MGAT5: variants seen among roughly 807,000 people sequenced by gnomAD.
MGAT5 encodes alpha-1,6-mannosylglycoprotein 6-beta-N-acetylglucosaminyltransferase A.
A neutral mutation model predicts 94.3 loss-of-function variants in MGAT5; 30 were observed. The ratio of observed to expected loss-of-function variants is 0.32; its 90% CI spans 0.24 to 0.43. MGAT5 has a LOEUF of 0.43. Among genes scored for constraint, MGAT5 ranks in the 20% least tolerant of loss-of-function variants. The pLI, the probability that MGAT5 is intolerant of heterozygous loss-of-function variation, is 1.00. For missense variants in MGAT5, 691 were observed against 905.5 expected (o/e 0.76, Z 3.04); for synonymous variants, 310 against 322.9 (o/e 0.96, Z 0.43).
intron 1 of MGAT5, among the ~76,000 whole-genome samples, chr2:134,156,852 G>A (rs964466648): frequency 6.6e-6 from 1 of 152,158 alleles, no homozygotes; most frequent in Admixed American, 6.5e-5. Context: ...AGACGGTGGT[G>A]TGGCCAGAGT....
intron 8 of MGAT5, among the ~76,000 whole-genome samples, chr2:134,348,270 G>A (rs140729693): frequency 2.0e-5 from 3 of 152,010 alleles, no homozygotes; most frequent in Non-Finnish European, 2.9e-5. Flanking sequence ...CCCACCTATC[G>A]GCCACGAGGC....
intron 1 of MGAT5, among the ~76,000 whole-genome samples, chr2:134,244,258 T>A (rs1682117337): frequency 6.6e-6 from 1 of 152,144 alleles, no homozygotes; most frequent in South Asian, 2.1e-4. Context: ...TAAAGCCTGT[T>A]CATGGTTTCC....
At chr2:134,373,902 T>C (rs996554958) in intron 10 of MGAT5, among the ~76,000 whole-genome samples, 5 of 152,346 alleles carry the variant, frequency 3.3e-5, no homozygotes, top group Non-Finnish European at 7.3e-5. Context: ...CAGCTTCATC[T>C]TGGGAGAATA....
intron 1 of MGAT5, among the ~76,000 whole-genome samples, chr2:134,189,602 G>GTTTTTTTTTTTTTTTTTTTGTTTTTTTTT (rs912983981): frequency 2.4e-5 from 2 of 84,672 alleles, no homozygotes; most frequent in Non-Finnish European, 4.6e-5. Flanking sequence ...GTTTTTTTTT[G>GTTTTTTTTTTTTTTTTTTTGTTTTTTTTT]TTTTTTTTTT....
chr2:134,356,135 C>G (rs1436657798), intron 9 of MGAT5, among the ~76,000 whole-genome samples: 1 of 152,130 alleles, frequency 6.6e-6, no homozygotes, highest in Non-Finnish European at 1.5e-5. Flanking sequence ...AAGAATTTGC[C>G]TTCTGGGTGC....
chr2:134,438,717 A>G (rs1685310342), intron 14 of MGAT5, among the ~76,000 whole-genome samples: 1 of 152,136 alleles, frequency 6.6e-6, no homozygotes, highest in Admixed American at 6.5e-5. Context: ...CATGAATATA[A>G]GGAGTCATTT....
chr2:134,308,172 AC>A lies in MGAT5; in HGVS notation c.407-9355del, dbSNP rs527325746. Among the ~76,000 whole-genome samples the A allele has an allele frequency of 3.4e-4, 52 of 152,294 alleles. 1 individual carries two copies. In the East Asian group the frequency reaches 7.5e-3, roughly 22 times the overall value. On this transcript the variant is annotated intron_variant, in intron 2 of 15. Transcript: ENST00000281923. ...CTAGTAGATGCTCAGTCTGTTGGCTACCATCATTATTACGCTGTTCTTCAGT... is the reference window on the plus strand; with the variant it reads ...CTAGTAGATGCTCAGTCTGTTGGCTACATCATTATTACGCTGTTCTTCAGT...
At chr2:134,143,559 C>T (rs1018293476) in intron 1 of MGAT5, among the ~76,000 whole-genome samples, 8 of 152,060 alleles carry the variant, frequency 5.3e-5, no homozygotes, top group African/African-American at 1.9e-4. Flanking sequence ...GCCTGGGAAG[C>T]GTTGGAATGA....
At position 134,310,243 on chromosome 2, in the gene MGAT5, A is replaced by G. The variant is rs539281614; in HGVS notation, c.407-7286A>G. On this transcript the variant is annotated intron_variant, in intron 2 of 15. Transcript: ENST00000281923. The stretch of plus-strand genomic sequence containing the variant: ...ACTCTTGAAATTTCCCATGCAGAAC[A>G]TGAAGATGATGATGTGCATTTCAAC... Among the ~76,000 whole-genome samples the G allele has an allele frequency of 2.6e-5, 4 of 152,326 alleles. 1 individual carries two copies. The highest frequency in any genetic ancestry group is 4.1e-4 in the South Asian group (2 of 4,828).
At chr2:134,286,543 T>C (rs1027961113) in intron 2 of MGAT5, among the ~76,000 whole-genome samples, 12 of 152,232 alleles carry the variant, frequency 7.9e-5, no homozygotes, top group African/African-American at 2.6e-4. Context: ...GCAGTTTTCC[T>C]GCCTCAGCCT....
chr2:134,382,114 G>T (rs536312144), intron 10 of MGAT5, among the ~76,000 whole-genome samples: 1 of 152,146 alleles, frequency 6.6e-6, no homozygotes, highest in South Asian at 2.1e-4. Context: ...TGATGGCCAG[G>T]TACAGTGGCT....
At chr2:134,245,231 C>T (rs972541483) in intron 1 of MGAT5, among the ~76,000 whole-genome samples, 1 of 152,176 alleles carries the variant, frequency 6.6e-6, no homozygotes, top group Non-Finnish European at 1.5e-5. Flanking sequence ...CCAGGATGGT[C>T]TCGACCTCCC....
rs547563000 is a variant in MGAT5 at position 134,316,351 on chromosome 2, G to T, written c.407-1178G>T. Reference sequence around the variant, plus strand: ...TGAGACCACCTCAGTTCCTTGAACGGCATCGTTAGATTGTCCCTTTGGCTG... The same window carrying T: ...TGAGACCACCTCAGTTCCTTGAACGTCATCGTTAGATTGTCCCTTTGGCTG... On this transcript the variant is annotated intron_variant, in intron 2 of 15. Coordinates refer to ENST00000281923, the MANE Select transcript of MGAT5 (RefSeq NM_002410.5). 1.2e-4 allele frequency among the ~76,000 whole-genome samples: 18 copies of T among 152,226 alleles called. No individual in the cohort carries two copies. In the East Asian group the frequency reaches 3.5e-3, roughly 29 times the overall value.
Position 134,317,526 on chromosome 2 carries a change from C to A in MGAT5, c.407-3C>A. 6.4e-7 allele frequency: 1 copy of A among 1,554,034 alleles called. No homozygotes were observed. Among genetic ancestry groups the A allele is most frequent in the Non-Finnish European group, 8.7e-7 (1 of 1,151,058 alleles). On this transcript the variant is annotated splice_region_variant and splice_polypyrimidine_tract_variant and intron_variant, in intron 2 of 15. Transcript: ENST00000281923. Reference sequence around the variant, plus strand: ...ATCCTTTGTTGTTTTTCATTCTTCACAGATATCATTAACGGAGCTCAAGAA... The same window carrying A: ...ATCCTTTGTTGTTTTTCATTCTTCAAAGATATCATTAACGGAGCTCAAGAA...
chr2:134,355,155 C>T (rs1293703823), intron 9 of MGAT5, among the ~76,000 whole-genome samples: 1 of 152,176 alleles, frequency 6.6e-6, no homozygotes, highest in Non-Finnish European at 1.5e-5. Context: ...GTGACTTCCT[C>T]CAATTTTCCA....
chr2:134,246,252 C>T (rs1284415370), intron 1 of MGAT5, among the ~76,000 whole-genome samples: 1 of 151,402 alleles, frequency 6.6e-6, no homozygotes, highest in African/African-American at 2.4e-5. Context: ...ACCCTGCCTG[C>T]TCCTGAGCTC....
In MGAT5 at chr2:134,441,844, G is replaced by A. The variant is rs978827142; in HGVS notation, c.1956G>A (p.Val652=). The A allele has an allele frequency of 2.5e-6, 4 of 1,614,034 alleles. No individual in the cohort carries two copies. The highest frequency in any genetic ancestry group is 2.7e-5 in the African/African-American group (2 of 74,922). The part of the protein sequence containing the change: ...LAEPGQSCKQ[V]CQESQLICEP... ...AGCCCGGGCAGTCCTGCAAGCAGGT[G>A]TGCCAGGAGAGCCAGCTCATCTGCG... The change falls in exon 15 of 16, where the codon GTG becomes GTA. Residue 652 remains valine (V), a synonymous_variant. Coordinates refer to ENST00000281923, the MANE Select transcript of MGAT5 (RefSeq NM_002410.5).
intron 1 of MGAT5, among the ~76,000 whole-genome samples, chr2:134,260,830 A>T (rs1428397623): frequency 2.0e-5 from 3 of 152,036 alleles, no homozygotes; most frequent in African/African-American, 7.2e-5. Context: ...AGGGAAAAAA[A>T]TAGCTGGGCT....
At chr2:134,129,834 T>C (rs1686038979) in intron 1 of MGAT5, among the ~76,000 whole-genome samples, 1 of 152,320 alleles carries the variant, frequency 6.6e-6, no homozygotes, top group South Asian at 2.1e-4. Context: ...CAGCGTCCAC[T>C]CTGGCCACCG....
Sources: gnomAD v4.1 joint callset for allele counts (sites outside exome capture counted in the v4.1 genomes callset) on GRCh38, gnomAD v4.1.1 for gene constraint, MANE v1.5 for transcripts, NCBI Gene and HGNC (gene_info 2026-07-23, HGNC 2026-07-21) for gene names.